The following SOBP variants were observed in gnomAD, a reference collection of about 807,000 sequenced individuals.
SOBP encodes the protein sine oculis binding protein homolog.
SOBP carries 4 observed loss-of-function variants against 53.6 expected under a neutral mutation model. The observed-to-expected ratio is 0.07, with a 90% CI of 0.04 to 0.17. The LOEUF (loss-of-function observed/expected upper bound fraction) is 0.17. Ranked by LOEUF, SOBP falls within the 10% of genes least tolerant of loss-of-function variation. SOBP has a pLI of 1.00. For synonymous variants in SOBP, 584 were observed against 522.6 expected (o/e 1.12, Z -1.60); for missense variants, 1,088 against 1,204.7 (o/e 0.90, Z 1.43).
chr6:107,506,130 A>T, intron 2 of SOBP, 112 bp from the exon 3 acceptor site: 1 of 921,230 alleles, frequency 1.1e-6, no homozygotes, highest in Non-Finnish European at 1.7e-6. Flanking sequence ...AAAGATTTGC[A>T]AGAAAAAATA....
At chr6:107,610,205 T>A (rs1786538734) in intron 5 of SOBP, among the ~76,000 whole-genome samples, 2 of 152,206 alleles carry the variant, frequency 1.3e-5, no homozygotes, top group African/African-American at 4.8e-5. Flanking sequence ...AAATGGATTC[T>A]TCCCTTTCCA....
chr6:107,501,480 T>C (rs1347161158), intron 1 of SOBP, among the ~76,000 whole-genome samples: 1 of 152,212 alleles, frequency 6.6e-6, no homozygotes, highest in Non-Finnish European at 1.5e-5. Context: ...ATATAGTCAC[T>C]AGGATATATG....
chr6:107,521,918 AC>A (rs1783506019), intron 3 of SOBP, among the ~76,000 whole-genome samples: 1 of 18,260 alleles, frequency 5.5e-5, no homozygotes, highest in African/African-American at 9.5e-5. Flanking sequence ...AAACACACAC[AC>A]ACACACACAC....
chr6:107,611,994 A>T (rs1296665178), intron 5 of SOBP, among the ~76,000 whole-genome samples: 3 of 152,198 alleles, frequency 2.0e-5, no homozygotes, highest in Non-Finnish European at 2.9e-5. Context: ...GCCCAGATCA[A>T]TATCAGGAGG....
chr6:107,511,950 C>T (rs530568734), intron 3 of SOBP, among the ~76,000 whole-genome samples: 1 of 152,140 alleles, frequency 6.6e-6, no homozygotes, highest in African/African-American at 2.4e-5. Context: ...TGCTTTCCCC[C>T]TCCCCCGCCC....
intron 5 of SOBP, among the ~76,000 whole-genome samples, chr6:107,599,261 A>G (rs373662307): frequency 6.6e-6 from 1 of 152,334 alleles, no homozygotes; most frequent in African/African-American, 2.4e-5. Flanking sequence ...GGTAATATAT[A>G]TAGTGTGCTT....
intron 6 of SOBP, among the ~76,000 whole-genome samples, chr6:107,647,406 A>T (rs1416945151): frequency 6.6e-6 from 1 of 152,196 alleles, no homozygotes; most frequent in African/African-American, 2.4e-5. Context: ...TAAAAAATGA[A>T]GATAATAACC....
chr6:107,586,402 A>G (rs1785568922), intron 4 of SOBP, among the ~76,000 whole-genome samples: 1 of 152,228 alleles, frequency 6.6e-6, no homozygotes, highest in Non-Finnish European at 1.5e-5. Context: ...AGAAGACTGT[A>G]TGCAAGCGGT....
intron 6 of SOBP, among the ~76,000 whole-genome samples, chr6:107,655,156 A>G (rs1233678320): frequency 6.6e-6 from 1 of 152,040 alleles, no homozygotes; most frequent in Non-Finnish European, 1.5e-5. Flanking sequence ...TCTGCTTGGC[A>G]AGGACAAAAC....
intron 3 of SOBP, chr6:107,510,628 C>G (rs777720738): frequency 1.3e-5 from 2 of 152,180 alleles, no homozygotes; most frequent in Non-Finnish European, 2.9e-5. Flanking sequence ...CTAAAGTCAA[C>G]AAATTATCAA....
intron 5 of SOBP, among the ~76,000 whole-genome samples, chr6:107,628,151 A>C (rs1770544968): frequency 6.6e-6 from 1 of 152,246 alleles, no homozygotes; most frequent in African/African-American, 2.4e-5. Context: ...GGAATGATTC[A>C]TTTTAATGGT....
intron 4 of SOBP, among the ~76,000 whole-genome samples, chr6:107,560,198 G>GATA (rs1784734119): frequency 6.6e-6 from 1 of 152,114 alleles, no homozygotes; most frequent in South Asian, 2.1e-4. Context: ...AGGATTTCAG[G>GATA]AGCCTTACTT....
chr6:107,491,381 C>G (rs1167151773), intron 1 of SOBP, among the ~76,000 whole-genome samples: 1 of 152,228 alleles, frequency 6.6e-6, no homozygotes, highest in African/African-American at 2.4e-5. Context: ...CGCTGGAGGA[C>G]AGCTGTCTGA....
At chr6:107,511,749 G>A (rs890487848) in intron 3 of SOBP, 7 of 152,252 alleles carry the variant, frequency 4.6e-5, no homozygotes, top group Admixed American at 3.9e-4. Flanking sequence ...CTGGAGAAGG[G>A]GAGCTCCCGT....
intron 3 of SOBP, among the ~76,000 whole-genome samples, chr6:107,521,910 AC>A (rs1396113506): frequency 7.4e-3 from 12 of 1,612 alleles, no homozygotes; most frequent in Admixed American, 0.043. Context: ...AGACATTAAA[AC>A]ACACACACAC....
chr6:107,616,728 C>A (rs1197546168), intron 5 of SOBP, among the ~76,000 whole-genome samples: 1 of 152,196 alleles, frequency 6.6e-6, no homozygotes, highest in Non-Finnish European at 1.5e-5. Flanking sequence ...GGATTCGGGT[C>A]TGATGATTAC....
chr6:107,514,601 G>C (rs1340135009), intron 3 of SOBP: 1 of 152,198 alleles, frequency 6.6e-6, no homozygotes, highest in African/African-American at 2.4e-5. Context: ...GCATGAGGTG[G>C]TGAAGACTGC....
intron 4 of SOBP, among the ~76,000 whole-genome samples, chr6:107,560,469 A>T (rs1583212218): frequency 6.6e-6 from 1 of 152,018 alleles, no homozygotes; most frequent in Admixed American, 6.6e-5. Context: ...TCCTTCAAGT[A>T]CCTGACTGTC....
At chr6:107,561,050 A>C (rs1784758997) in intron 4 of SOBP, among the ~76,000 whole-genome samples, 1 of 152,188 alleles carries the variant, frequency 6.6e-6, no homozygotes, top group Admixed American at 6.5e-5. Flanking sequence ...CTGACCCATC[A>C]GGGAGAGATG....
Sources: allele counts gnomAD v4.1 joint callset (sites outside exome capture counted in the v4.1 genomes callset), GRCh38; gene constraint gnomAD v4.1.1; transcripts MANE v1.5; gene names NCBI Gene and HGNC (gene_info 2026-07-23, HGNC 2026-07-21).